The following KHDRBS2 variants were observed in gnomAD, a reference collection of about 807,000 sequenced individuals.
KHDRBS2 encodes the protein KH domain-containing, RNA-binding, signal transduction-associated protein 2.
A neutral mutation model predicts 44.3 loss-of-function variants in KHDRBS2; 26 were observed. That is an observed-to-expected ratio of 0.59 (90% confidence interval 0.43 to 0.81). KHDRBS2 has a LOEUF of 0.81. Among genes scored for constraint, KHDRBS2 ranks in the 40% least tolerant of loss-of-function variants. The pLI is 0.00. For synonymous variants in KHDRBS2, 194 were observed against 151.1 expected, an observed-to-expected ratio of 1.28 and a Z score of -2.08; for missense variants, 476 against 433.1, an observed-to-expected ratio of 1.10 and a Z score of -0.88.
chr6:61,668,997 G>T, the KHDRBS2 span, among the ~76,000 whole-genome samples: 90,830 of 150,458 alleles, frequency 0.6, 27,770 homozygotes, highest in Non-Finnish European at 0.66. Flanking sequence ...CATTTTTCAT[G>T]GAGATTTTAT....
the KHDRBS2 span, among the ~76,000 whole-genome samples, chr6:61,542,911 C>A: frequency 1.3e-5 from 2 of 151,958 alleles, no homozygotes. Flanking sequence ...TGATAACTCT[C>A]AGGTACGTAA....
At chr6:62,040,674 G>A (rs1266391717) in intron 3 of KHDRBS2, among the ~76,000 whole-genome samples, 1 of 152,062 alleles carries the variant, frequency 6.6e-6, no homozygotes, top group African/African-American at 2.4e-5. Flanking sequence ...ATGGCCTTTC[G>A]ATGTAATTTT....
At chr6:61,622,621 T>TA in the KHDRBS2 span, among the ~76,000 whole-genome samples, 1 of 152,066 alleles carries the variant, frequency 6.6e-6, no homozygotes, top group African/African-American at 2.4e-5. Flanking sequence ...AACTCAGCGT[T>TA]AGAGGGGCAG....
intron 2 of KHDRBS2, among the ~76,000 whole-genome samples, chr6:62,150,795 C>T (rs1474224881): frequency 6.6e-6 from 1 of 152,190 alleles, no homozygotes; most frequent in African/African-American, 2.4e-5. Flanking sequence ...TACATTCCCA[C>T]AACCCAGTGA....
chr6:62,213,873 CAAAAAAAAAAAAAAAAAAAA>C lies in KHDRBS2; in HGVS notation c.92-36581_92-36562del, dbSNP rs67482871. 9.6e-5 allele frequency among the ~76,000 whole-genome samples: 4 copies of C among 41,504 alleles called. No homozygotes were observed. The South Asian group carries it at 7.1e-3, about 74-fold the overall frequency. The allele number at this position is 41,504 out of a possible 152,430, so 27.2% of individuals were successfully genotyped here. ...TGGGTGACAGAGCGAGACTCCATCTCAAAAAAAAAAAAAAAAAAAAAAAAAAAAAAGAATGAAGTATCTTA... is the reference window on the plus strand; with the variant it reads ...TGGGTGACAGAGCGAGACTCCATCTCAAAAAAAAAAGAATGAAGTATCTTA... On this transcript the variant is annotated intron_variant, in intron 1 of 8. Coordinates refer to ENST00000281156, the MANE Select transcript of KHDRBS2 (RefSeq NM_152688.4).
chr6:61,879,708 C>T (rs2127315316), intron 6 of KHDRBS2, among the ~76,000 whole-genome samples: 1 of 151,994 alleles, frequency 6.6e-6, no homozygotes, highest in South Asian at 2.1e-4. Context: ...TTGCTGCTAA[C>T]TGTATGTACT....
At chr6:62,101,143 T>C (rs114431337) in intron 2 of KHDRBS2, among the ~76,000 whole-genome samples, 3 of 152,246 alleles carry the variant, frequency 2.0e-5, no homozygotes, top group Non-Finnish European at 4.4e-5. Context: ...ATGAAGAGAA[T>C]AAAACACGCA....
intron 2 of KHDRBS2, among the ~76,000 whole-genome samples, chr6:62,160,232 A>G (rs1404479700): frequency 6.6e-6 from 1 of 152,184 alleles, no homozygotes; most frequent in Non-Finnish European, 1.5e-5. Flanking sequence ...TACAAACTAC[A>G]TTAAAAGATA....
At chr6:61,752,692 A>T (rs1400570959) in intron 6 of KHDRBS2, among the ~76,000 whole-genome samples, 3 of 151,014 alleles carry the variant, frequency 2.0e-5, no homozygotes, top group African/African-American at 7.3e-5. Context: ...AAAAAAAAAA[A>T]AGAACAAAAA....
intron 6 of KHDRBS2, among the ~76,000 whole-genome samples, chr6:61,763,599 C>A (rs1363122356): frequency 6.6e-6 from 1 of 152,012 alleles, no homozygotes; most frequent in African/African-American, 2.4e-5. Context: ...GGGCAAGTGT[C>A]CAGAATAAAA....
the KHDRBS2 span, among the ~76,000 whole-genome samples, chr6:61,567,329 G>C: frequency 8.5e-5 from 13 of 152,338 alleles, no homozygotes; most frequent in Admixed American, 6.5e-4. Context: ...GTTTAGTCAA[G>C]GTGAGGGGGA....
chr6:62,157,685 T>G (rs1230633832), intron 2 of KHDRBS2, among the ~76,000 whole-genome samples: 1 of 152,202 alleles, frequency 6.6e-6, no homozygotes, highest in African/African-American at 2.4e-5. Context: ...TTATTTAATA[T>G]TATATGTAGA....
intron 2 of KHDRBS2, among the ~76,000 whole-genome samples, chr6:62,109,007 T>C (rs957161500): frequency 6.6e-6 from 1 of 151,420 alleles, no homozygotes; most frequent in African/African-American, 2.4e-5. Flanking sequence ...AAATGACGAG[T>C]TAATGGGTGC....
intron 6 of KHDRBS2, among the ~76,000 whole-genome samples, chr6:61,758,672 A>T (rs4710269): frequency 0.8 from 120,916 of 151,888 alleles, 48,600 homozygotes; most frequent in African/African-American, 0.9. Context: ...TTTTCCAAAA[A>T]TAGAGTCCAA....
intron 2 of KHDRBS2, among the ~76,000 whole-genome samples, chr6:62,062,146 CAA>C (rs1422934715): frequency 6.7e-6 from 1 of 148,574 alleles, no homozygotes; most frequent in Non-Finnish European, 1.5e-5. Flanking sequence ...GAGTGACCTA[CAA>C]AGAGACTTAG....
intron 2 of KHDRBS2, among the ~76,000 whole-genome samples, chr6:62,128,286 T>C (rs949507787): frequency 2.0e-5 from 3 of 152,096 alleles, no homozygotes; most frequent in Admixed American, 6.5e-5. Context: ...ATATAATCAG[T>C]GGCTACCTTA....
At chr6:61,714,913 G>T (rs1221968925) in intron 7 of KHDRBS2, among the ~76,000 whole-genome samples, 5 of 151,776 alleles carry the variant, frequency 3.3e-5, no homozygotes, top group Non-Finnish European at 7.4e-5. Flanking sequence ...GAACCAGATG[G>T]TAAGTGGGTG....
intron 4 of KHDRBS2, among the ~76,000 whole-genome samples, chr6:61,935,687 G>T (rs879348777): frequency 6.6e-6 from 1 of 152,100 alleles, no homozygotes; most frequent in Non-Finnish European, 1.5e-5. Context: ...TGCACAGTGT[G>T]TTAGGATTGA....
intron 6 of KHDRBS2, among the ~76,000 whole-genome samples, chr6:61,872,274 A>C (rs1477589246): frequency 6.6e-6 from 1 of 152,132 alleles, no homozygotes; most frequent in African/African-American, 2.4e-5. Context: ...GAAGCAGTTA[A>C]AAAAACTGGT....
Sources: allele counts gnomAD v4.1 joint callset (sites outside exome capture counted in the v4.1 genomes callset), GRCh38; gene constraint gnomAD v4.1.1; transcripts MANE v1.5; gene names NCBI Gene and HGNC (gene_info 2026-07-23, HGNC 2026-07-21).